The following KMT2B variants were observed in gnomAD, a reference collection of about 807,000 sequenced individuals.
The protein encoded by KMT2B is lysine methyltransferase 2B, also known as histone-lysine N-methyltransferase 2B.
KMT2B carries 22 observed loss-of-function variants against 255.3 expected under a neutral mutation model. The observed-to-expected ratio is 0.09, with a 90% CI of 0.06 to 0.12. The LOEUF is 0.12. Among genes scored for constraint, KMT2B ranks in the 10% least tolerant of loss-of-function variants. The pLI, the probability that KMT2B is intolerant of heterozygous loss-of-function variation, is 1.00. For synonymous variants in KMT2B, 1,730 were observed against 1,498.1 expected (o/e 1.15, Z -3.57); for missense variants, 3,149 against 3,737.0 (o/e 0.84, Z 4.10).
chr19:35,733,308 G>GCCCCCC lies in KMT2B; in HGVS notation c.6764_6765insCCCCCC (p.Pro2258_Pro2259dup). Reference sequence around the variant, plus strand: ...TGGTCGGAGTGGTCCGCCCTGCCCCGCCCCCGCCACCCCCTCCCCTGACGC... The same window carrying GCCCCCC: ...TGGTCGGAGTGGTCCGCCCTGCCCCGCCCCCCCCCCCGCCACCCCCTCCCCTGACGC... On this transcript the variant is annotated inframe_insertion, in exon 28 of 37. Transcript: ENST00000420124. This position sits in a 1 kb window ranked among gnomAD's most constrained non-coding sequence, Gnocchi z 4.3. 1.1e-5 allele frequency: 6 copies of GCCCCCC among 532,692 alleles called. No homozygotes were observed. The highest frequency in any genetic ancestry group is 2.0e-5 in the South Asian group (1 of 50,450). 33.0% of individuals were successfully genotyped at this position (532,692 alleles called of 1,614,324 possible).
Position 35,726,356 on chromosome 19 carries a change from G to A in KMT2B, c.4003+3G>A, listed in dbSNP as rs199987901. The A allele has an allele frequency of 1.3e-4, 201 of 1,599,184 alleles. 2 individuals carry two copies. In the Admixed American group the frequency reaches 3.4e-3, roughly 27 times the overall value. On this transcript the variant is annotated splice_donor_region_variant and intron_variant, in intron 14 of 36. Transcript: ENST00000420124. ...GTGCACCCAGCTATATGAGAAAGGT[G>A]GGGACCGGGCAGGGGAACTGGATGC... is the stretch of plus-strand genomic sequence containing the variant.
chr19:35,721,150 G>A lies in KMT2B; in HGVS notation c.1803G>A (p.Arg601=). The A allele has an allele frequency of 6.3e-7, 1 of 1,594,452 alleles. No individual in the cohort carries two copies. The highest frequency in any genetic ancestry group is 2.3e-5 in the East Asian group (1 of 43,282). ...CAGTTCCACTCCCTGAGAAGAGACG[G>A]TCCATCCTAAGGGAACCCACATTTC... ...STPVPLPEKR[R]SILREPTFRW... is the part of the protein sequence containing the mutation. The change falls in exon 3 of 37, where the codon CGG becomes CGA. Residue 601 remains arginine, a synonymous_variant. Coordinates refer to ENST00000420124, the MANE Select transcript of KMT2B (RefSeq NM_014727.3).
intron 3 of KMT2B, 88 bp from the exon 4 acceptor site, chr19:35,722,270 TG>T (rs1969247679): frequency 4.4e-6 from 6 of 1,354,662 alleles, no homozygotes; most frequent in Middle Eastern, 2.1e-4. Context: ...CCCAAAGTGC[TG>T]GGATTACAGG....
In KMT2B at chr19:35,727,905, G is replaced by A; in HGVS notation, c.4417G>A (p.Gly1473Ser). Residue 1473 changes from glycine to serine, a missense_variant, in exon 18 of 37, where the codon GGC becomes AGC. Gly to Ser is a moderately conservative substitution (Grantham distance 56, BLOSUM62 0). Around this residue, in one of 18 missense-constraint regions of KMT2B, gnomAD observed 377 missense variants for 471.0 expected, o/e 0.80. Coordinates refer to ENST00000420124, the MANE Select transcript of KMT2B (RefSeq NM_014727.3). The surrounding 1 kb of genome is among the most constrained non-coding windows in gnomAD (Gnocchi z 4.2). ...GCACAGCTTCATGGAGGACATGGTGGGCATCCTCATGCGGCACTCGGAGGA... is the reference window on the plus strand; with the variant it reads ...GCACAGCTTCATGGAGGACATGGTGAGCATCCTCATGCGGCACTCGGAGGA... ...SVHSFMEDMV[G>S]ILMRHSEEGE... is the part of the protein sequence containing the mutation. The A allele has an allele frequency of 6.2e-7, 1 of 1,603,780 alleles. No individual in the cohort carries two copies.
At position 35,738,600 on chromosome 19, in the gene KMT2B, G is replaced by A. The variant is rs367672018; in HGVS notation, c.*43G>A. The A allele has an allele frequency of 2.0e-4, 317 of 1,586,270 alleles. No homozygotes were observed. Among genetic ancestry groups the A allele is most frequent in the Non-Finnish European group, 2.6e-4 (299 of 1,164,554 alleles). On this transcript the variant is annotated 3_prime_UTR_variant, in exon 37 of 37. Transcript: ENST00000420124. This position sits in a 1 kb window ranked among gnomAD's most constrained non-coding sequence, Gnocchi z 8.7. ...ACGACCCCTCACACCTCCTGCTGCC[G>A]TCGCTGCCATCTTGCCCCTAGCCTG...
intron 22 of KMT2B, 72 bp downstream of exon 22, chr19:35,729,368 C>T: frequency 6.6e-7 from 1 of 1,518,738 alleles, no homozygotes; most frequent in Admixed American, 2.0e-5. Flanking sequence ...GCAAACAGCT[C>T]TTACTTCACA....
At chr19:35,724,090 C>T (rs942622091) in intron 8 of KMT2B, 83 bp downstream of exon 8, 2 of 1,341,798 alleles carry the variant, frequency 1.5e-6, no homozygotes, top group Non-Finnish European at 1.0e-6. Context: ...CACCCAGACC[C>T]AGGGCTCTGT....
intron 1 of KMT2B, 124 bp from the exon 2 acceptor site, chr19:35,719,345 G>T (rs1214245905): frequency 4.2e-6 from 3 of 712,956 alleles, no homozygotes; most frequent in Non-Finnish European, 7.0e-6. Flanking sequence ...AGTCTTTTTC[G>T]TTCTTTTTAA....
chr19:35,718,003 C>G lies in KMT2B; in HGVS notation c.-16C>G. 1.0e-6 allele frequency: 1 copy of G among 986,136 alleles called. No homozygotes were observed. Among genetic ancestry groups the G allele is most frequent in the Non-Finnish European group, 1.2e-6 (1 of 831,264 alleles). The allele number at this position is 986,136 out of a possible 1,614,324, so 61.1% of individuals were successfully genotyped here. On this transcript the variant is annotated 5_prime_UTR_variant, in exon 1 of 37. Transcript: ENST00000420124. This position sits in a 1 kb window ranked among gnomAD's most constrained non-coding sequence, Gnocchi z 5.0. ...GCCCCTCCCCCCGCCTCCCCGGCCC[C>G]TCTCACGGTGCCAAGATGGCGGCGG...
intron 30 of KMT2B, chr19:35,735,800 TC>T (rs1279276010): frequency 6.6e-6 from 1 of 152,264 alleles, no homozygotes; most frequent in Non-Finnish European, 1.5e-5. Flanking sequence ...GTTTTATCCT[TC>T]CAGGTGTTCA....
At position 35,728,503 on chromosome 19, in the gene KMT2B, G is replaced by GA. The variant is rs397770298; in HGVS notation, c.4572-271_4572-270insA. 7.2e-5 allele frequency among the ~76,000 whole-genome samples: 11 copies of GA among 151,812 alleles called. No homozygotes were observed. In the South Asian group the frequency reaches 2.3e-3, roughly 32 times the overall value. On this transcript the variant is annotated intron_variant, in intron 19 of 36. Coordinates refer to ENST00000420124, the MANE Select transcript of KMT2B (RefSeq NM_014727.3). ...CCAGGGGGCGGTGGGGGCCCGGAGG[G>GA]GTACCTGCTGGAGCCGAGGTGTCAG...
Position 35,733,284 on chromosome 19 carries a change from G to A in KMT2B, c.6735G>A (p.Val2245=), listed in dbSNP as rs776857034. The part of the protein sequence containing the change: ...PPGPLLGVLP[V]VGVVRPAPPP... ...GCCCCCTCCTCGGCGTGCTGCCCGT[G>A]GTCGGAGTGGTCCGCCCTGCCCCGC... The change falls in exon 28 of 37, where the codon GTG becomes GTA. Residue 2245 remains valine, a synonymous_variant. Transcript: ENST00000420124. The surrounding 1 kb of genome is among the most constrained non-coding windows in gnomAD (Gnocchi z 4.3). 2.6e-5 allele frequency: 38 copies of A among 1,481,690 alleles called. No individual in the cohort carries two copies. The African/African-American group carries it at 4.7e-4, about 18-fold the overall frequency. The allele number at this position is 1,481,690 out of a possible 1,614,324, so 91.8% of individuals were successfully genotyped here.
Position 35,720,908 on chromosome 19 carries a change from C to T in KMT2B, c.1561C>T (p.Leu521=). ...CGTGGCCCCCAAAAGCACCACCTTC[C>T]TGAAGAATATCCGGCAGTTTATTAT... ...PTVAPKSTTF[L]KNIRQFIMPV... The change falls in exon 3 of 37, where the codon CTG becomes TTG. Residue 521 remains leucine, a synonymous_variant. Coordinates refer to ENST00000420124, the MANE Select transcript of KMT2B (RefSeq NM_014727.3). 6.2e-7 allele frequency: 1 copy of T among 1,608,762 alleles called. No individual in the cohort carries two copies.
In KMT2B at chr19:35,736,682, G is replaced by T; in HGVS notation, c.7160-8G>T. On this transcript the variant is annotated splice_region_variant and splice_polypyrimidine_tract_variant and intron_variant, in intron 30 of 36. Coordinates refer to ENST00000420124, the MANE Select transcript of KMT2B (RefSeq NM_014727.3). ...TGATCTTCACTCCAACCTGCTTCTT[G>T]GGACCAGGTGAGGCTTCGAGCTCTG... 5 of 1,613,128 alleles carry T rather than the reference G, an allele frequency of 3.1e-6. No homozygotes were observed. In the South Asian group the frequency reaches 4.4e-5, roughly 14 times the overall value.
Position 35,727,024 on chromosome 19 carries a change from T to C in KMT2B, c.4004-132T>C. On this transcript the variant is annotated intron_variant, in intron 14 of 36. Coordinates refer to ENST00000420124, the MANE Select transcript of KMT2B (RefSeq NM_014727.3). The surrounding 1 kb of genome is among the most constrained non-coding windows in gnomAD (Gnocchi z 4.2). ...AAAAAAGCCTCATCCTCAAGGAGCT[T>C]TTAGGGACTAGTAGGGGCCCAAAAC... 1 of 580,314 alleles carries C rather than the reference T, an allele frequency of 1.7e-6. No individual in the cohort carries two copies. The highest frequency in any genetic ancestry group is 3.0e-6 in the Non-Finnish European group (1 of 330,976). The allele number at this position is 580,314 out of a possible 1,614,324, so 35.9% of individuals were successfully genotyped here. A position where few individuals can be genotyped will look rare whatever the true frequency, so the allele number is the denominator to read the frequency against.
chr19:35,719,202 GTCT>G (rs1480066926), intron 1 of KMT2B, among the ~76,000 whole-genome samples: 1 of 152,142 alleles, frequency 6.6e-6, no homozygotes, highest in Non-Finnish European at 1.5e-5. Flanking sequence ...AGACCCTGTC[GTCT>G]TCTCTCTTGG....
chr19:35,724,775 C>T (rs1448282941), intron 9 of KMT2B, 44 bp downstream of exon 9: 1 of 1,505,166 alleles, frequency 6.6e-7, no homozygotes, highest in Non-Finnish European at 9.0e-7. Context: ...CCAGGAGCTA[C>T]CTGGCAAGTC....
chr19:35,730,247 G>A (rs1969638991), intron 23 of KMT2B, 95 bp from the exon 24 acceptor site: 4 of 1,596,058 alleles, frequency 2.5e-6, no homozygotes, highest in Non-Finnish European at 3.4e-6. Context: ...TGTTTTCCCA[G>A]AGGCCTTTAG....
rs1166009631 is a variant in KMT2B at position 35,723,006 on chromosome 19, G to A, written c.2734G>A (p.Ala912Thr). ...GCCTGCTGCAATAGATACATCATCG[G>A]CGTCCGAGACTGAGAGTGTCCCGTC... Reference protein sequence around the residue: ...QDLATEDTSSASETESVPSRS... With the variant: ...QDLATEDTSSTSETESVPSRS... Residue 912 changes from alanine to threonine, a missense_variant, in exon 6 of 37, where the codon GCG (alanine) becomes ACG (threonine). Physicochemically the swap from Ala to Thr is moderately conservative, Grantham distance 58. Coordinates refer to ENST00000420124, the MANE Select transcript of KMT2B (RefSeq NM_014727.3). This position sits in a 1 kb window ranked among gnomAD's most constrained non-coding sequence, Gnocchi z 7.5. 6.3e-7 allele frequency: 1 copy of A among 1,599,078 alleles called. No individual in the cohort carries two copies. The highest frequency in any genetic ancestry group is 1.1e-5 in the South Asian group (1 of 89,708).
Sources: allele counts gnomAD v4.1 joint callset (sites outside exome capture counted in the v4.1 genomes callset), GRCh38; gene constraint gnomAD v4.1.1; regional missense constraint gnomAD v4.1.1; non-coding constraint Gnocchi (gnomAD v3.1); transcripts MANE v1.5; gene names NCBI Gene and HGNC (gene_info 2026-07-23, HGNC 2026-07-21).